ADAMTSL1: variants seen among roughly 807,000 people sequenced by gnomAD.
The protein encoded by ADAMTSL1 is ADAMTS like 1, also known as ADAMTS-like protein 1.
In ADAMTSL1, 126 loss-of-function variants were observed where a neutral mutation model predicts 201.8. That is an observed-to-expected ratio of 0.62 (90% confidence interval 0.54 to 0.72). ADAMTSL1 has a LOEUF of 0.72. Among genes scored for constraint, ADAMTSL1 ranks in the 30% least tolerant of loss-of-function variants. The pLI, the probability that ADAMTSL1 is intolerant of heterozygous loss-of-function variation, is 0.00. For synonymous variants in ADAMTSL1, 1,121 were observed against 903.4 expected, an observed-to-expected ratio of 1.24 and a Z score of -4.32; for missense variants, 2,679 against 2,277.8, an observed-to-expected ratio of 1.18 and a Z score of -3.59.
At chr9:18,623,126 C>T (rs1826136536) in intron 5 of ADAMTSL1, among the ~76,000 whole-genome samples, 1 of 152,082 alleles carries the variant, frequency 6.6e-6, no homozygotes, top group African/African-American at 2.4e-5. Flanking sequence ...GAACTCCTGA[C>T]CTCAAGTGAT....
chr9:18,796,442 C>A (rs993574282), intron 20 of ADAMTSL1: 8 of 152,224 alleles, frequency 5.3e-5, no homozygotes, highest in African/African-American at 1.7e-4. Context: ...TTATTCTTTT[C>A]AATTGCTGCT....
At chr9:18,883,984 G>A (rs950658408) in intron 23 of ADAMTSL1, among the ~76,000 whole-genome samples, 23 of 152,062 alleles carry the variant, frequency 1.5e-4, no homozygotes, top group African/African-American at 5.3e-4. Flanking sequence ...TTTTTTGAGG[G>A]GCCACCATAC....
intron 2 of ADAMTSL1, among the ~76,000 whole-genome samples, chr9:18,509,381 C>A (rs991232408): frequency 6.6e-6 from 1 of 152,092 alleles, no homozygotes; most frequent in African/African-American, 2.4e-5. Context: ...TACTTCCTTA[C>A]GCTAATGGTA....
intron 1 of ADAMTSL1, among the ~76,000 whole-genome samples, chr9:18,028,397 A>C (rs1452039954): frequency 1.3e-5 from 2 of 152,020 alleles, no homozygotes; most frequent in Non-Finnish European, 2.9e-5. Context: ...TTTTATATGA[A>C]ATTCTTGGTT....
At chr9:18,206,255 C>G (rs1375729821) in intron 2 of ADAMTSL1, among the ~76,000 whole-genome samples, 4 of 151,848 alleles carry the variant, frequency 2.6e-5, no homozygotes, top group Non-Finnish European at 5.9e-5. Context: ...GTCCTTGTTC[C>G]TTGCCTTCTT....
At chr9:18,506,869 A>AT (rs1817695834) in intron 2 of ADAMTSL1, among the ~76,000 whole-genome samples, 2 of 152,180 alleles carry the variant, frequency 1.3e-5, no homozygotes, top group South Asian at 4.1e-4. Context: ...GAAGAAAAAA[A>AT]GCCTCCAAAT....
chr9:18,529,340 C>G (rs1260739985), intron 2 of ADAMTSL1, among the ~76,000 whole-genome samples: 4 of 152,140 alleles, frequency 2.6e-5, no homozygotes, highest in African/African-American at 9.7e-5. Flanking sequence ...CTATTCCCTT[C>G]TCAGCTTTCC....
chr9:18,680,873 T>C (rs1830433243), intron 11 of ADAMTSL1: 1 of 281,096 alleles, frequency 3.6e-6, no homozygotes, highest in South Asian at 4.6e-5. Flanking sequence ...AGAAGTTTGA[T>C]TTCATTTTGT....
intron 1 of ADAMTSL1, among the ~76,000 whole-genome samples, chr9:17,922,398 G>A: frequency 6.6e-6 from 1 of 152,118 alleles, no homozygotes; most frequent in Non-Finnish European, 1.5e-5. Flanking sequence ...GGTCACTGAA[G>A]AATAGATCTG....
intron 2 of ADAMTSL1, among the ~76,000 whole-genome samples, chr9:18,286,307 T>C (rs998460146): frequency 6.6e-6 from 1 of 152,208 alleles, no homozygotes; most frequent in Non-Finnish European, 1.5e-5. Flanking sequence ...CATAAAATGT[T>C]CATGAAATAC....
At position 18,126,046 on chromosome 9, in the gene ADAMTSL1, C is replaced by A. The variant is rs76144783; in HGVS notation, c.88-37816C>A. On this transcript the variant is annotated intron_variant, in intron 1 of 29. Coordinates refer to the ADAMTSL1 transcript ENST00000680146. Reference sequence around the variant, plus strand: ...CGTACCTGCCACCAAAACCTCAACACCGTCATGGAGCTGACACATCACTCA... The same window carrying A: ...CGTACCTGCCACCAAAACCTCAACAACGTCATGGAGCTGACACATCACTCA... Among the ~76,000 whole-genome samples, 354 of 152,308 alleles carry A rather than the reference C, an allele frequency of 2.3e-3. 1 individual carries two copies. The highest frequency in any genetic ancestry group is 3.2e-3 in the Non-Finnish European group (216 of 68,022).
intron 1 of ADAMTSL1, among the ~76,000 whole-genome samples, chr9:17,922,965 A>G (rs1826368778): frequency 6.6e-6 from 1 of 152,160 alleles, no homozygotes; most frequent in African/African-American, 2.4e-5. Flanking sequence ...CTGCTGGAAC[A>G]CAGCTTCTGT....
rs561983521 is a variant in ADAMTSL1 at position 17,913,207 on chromosome 9, A to T, written c.87+6285A>T. Among the ~76,000 whole-genome samples the T allele has an allele frequency of 8.6e-3, 1,315 of 152,174 alleles. 18 individuals carry two copies. Among genetic ancestry groups the T allele is most frequent in the African/African-American group, 0.03 (1,231 of 41,504 alleles). ...CTTTTTTGGTTCCATATGAACTTTA[A>T]AGTAGTTTTTTCCAATTCTGTGAAG... On this transcript the variant is annotated intron_variant, in intron 1 of 29. Transcript: ENST00000680146.
intron 1 of ADAMTSL1, among the ~76,000 whole-genome samples, chr9:17,984,146 G>T (rs1255934392): frequency 1.3e-5 from 2 of 152,048 alleles, no homozygotes; most frequent in Non-Finnish European, 2.9e-5. Context: ...ACTTACTTTA[G>T]CAATTAGCAG....
chr9:18,507,548 C>T (rs1817749912), intron 2 of ADAMTSL1, among the ~76,000 whole-genome samples: 1 of 152,150 alleles, frequency 6.6e-6, no homozygotes, highest in South Asian at 2.1e-4. Flanking sequence ...ACCTTCAATT[C>T]ACCAACCCAA....
chr9:18,602,250 T>C (rs1767108321), intron 4 of ADAMTSL1, among the ~76,000 whole-genome samples: 1 of 152,210 alleles, frequency 6.6e-6, no homozygotes, highest in South Asian at 2.1e-4. Context: ...TTGATAATGA[T>C]AGACAAGCCA....
At chr9:18,884,331 C>A (rs1828718429) in intron 23 of ADAMTSL1, among the ~76,000 whole-genome samples, 1 of 152,138 alleles carries the variant, frequency 6.6e-6, no homozygotes, top group Non-Finnish European at 1.5e-5. Flanking sequence ...CTCATCAGAT[C>A]TATGATTTGC....
At position 18,424,176 on chromosome 9, in the gene ADAMTSL1, C is replaced by G. The variant is rs549456984; in HGVS notation, c.208-80653C>G. Among the ~76,000 whole-genome samples the G allele has an allele frequency of 9.8e-5, 15 of 152,330 alleles. No homozygotes were observed. In the East Asian group the frequency reaches 2.7e-3, roughly 27 times the overall value. ...CCTTGCTTAATGGTGAAAGAGTAGA[C>G]AAGAAGCTGAACTATTAGTGTTTCT... On this transcript the variant is annotated intron_variant, in intron 2 of 29. Coordinates refer to the ADAMTSL1 transcript ENST00000680146.
In ADAMTSL1 at chr9:18,770,798, G is replaced by A. The variant is rs202032597; in HGVS notation, c.2397+17G>A. On this transcript the variant is annotated intron_variant, in intron 17 of 28. Coordinates refer to ENST00000380548, the MANE Select transcript of ADAMTSL1 (RefSeq NM_001040272.6). ...TGGACAGAGGTATGTATGTTCCTCC[G>A]AAGAGAATGAAAGAGATCCAAGTAG... is the stretch of plus-strand genomic sequence containing the variant. The A allele has an allele frequency of 1.3e-3, 2,118 of 1,610,468 alleles. No individual in the cohort carries two copies. Among genetic ancestry groups the A allele is most frequent in the Non-Finnish European group, 1.5e-3 (1,799 of 1,177,702 alleles).
Sources: gnomAD v4.1 joint callset for allele counts (sites outside exome capture counted in the v4.1 genomes callset) on GRCh38, gnomAD v4.1.1 for gene constraint, MANE v1.5 for transcripts, NCBI Gene and HGNC (gene_info 2026-07-23, HGNC 2026-07-21) for gene names.